The following PAM variants were observed in gnomAD, a reference collection of about 807,000 sequenced individuals.
PAM encodes peptidylglycine alpha-amidating monooxygenase.
In PAM, 72 loss-of-function variants were observed where a neutral mutation model predicts 122.1. That is an observed-to-expected ratio of 0.59 (90% CI 0.49 to 0.72). PAM has a LOEUF of 0.72. Among genes scored for constraint, PAM ranks in the 30% least tolerant of loss-of-function variants. The pLI is 0.00. For synonymous variants in PAM, 389 were observed against 404.4 expected (o/e 0.96, Z 0.46); for missense variants, 1,106 against 1,183.7 (o/e 0.93, Z 0.96).
chr5:102,828,151 C>A (rs369574026), intron 1 of PAM, among the ~76,000 whole-genome samples: 16 of 151,924 alleles, frequency 1.1e-4, no homozygotes, highest in African/African-American at 3.9e-4. Flanking sequence ...CGAGCCTGGG[C>A]AACATGGCGA....
intron 1 of PAM, among the ~76,000 whole-genome samples, chr5:102,860,707 T>A (rs1783937529): frequency 1.3e-5 from 2 of 151,284 alleles, no homozygotes; most frequent in Admixed American, 1.3e-4. Context: ...AATAATAAAA[T>A]AACCGCTTCA....
At chr5:102,786,405 T>C (rs258235) in intron 1 of PAM, among the ~76,000 whole-genome samples, 52,487 of 152,088 alleles carry the variant, frequency 0.35, 9,330 homozygotes, top group East Asian at 0.39. Context: ...ATTTAATTCG[T>C]AATCATTAGT....
rs547294092 is a variant in PAM at position 103,006,760 on chromosome 5, A to T, written c.1804-41A>T. 5 of 1,431,740 alleles carry T rather than the reference A, an allele frequency of 3.5e-6. No homozygotes were observed. In the South Asian group the frequency reaches 6.0e-5, roughly 17 times the overall value. The allele number at this position is 1,431,740 out of a possible 1,614,324, so 88.7% of individuals were successfully genotyped here. On this transcript the variant is annotated intron_variant, in intron 18 of 25. Transcript: ENST00000438793. ...GTCATGTGGGTGTAAGTCACTAATAACCATGAAAAGTAGGTAAGGCTTTTG... is the reference window on the plus strand; with the variant it reads ...GTCATGTGGGTGTAAGTCACTAATATCCATGAAAAGTAGGTAAGGCTTTTG...
At chr5:102,771,560 T>C (rs1204538139) in intron 1 of PAM, among the ~76,000 whole-genome samples, 1 of 152,136 alleles carries the variant, frequency 6.6e-6, no homozygotes, top group Non-Finnish European at 1.5e-5. Flanking sequence ...GTCTGGCTTC[T>C]TCTCCTAAAT....
intron 4 of PAM, among the ~76,000 whole-genome samples, chr5:102,901,822 G>C (rs1798012407): frequency 6.6e-6 from 1 of 151,460 alleles, no homozygotes; most frequent in Non-Finnish European, 1.5e-5. Flanking sequence ...CTGTCAGACA[G>C]GTAGATGGAT....
intron 14 of PAM, among the ~76,000 whole-genome samples, chr5:102,964,718 A>T (rs1264397951): frequency 6.6e-6 from 1 of 150,736 alleles, no homozygotes; most frequent in Non-Finnish European, 1.5e-5. Context: ...TTATGCATAT[A>T]TTTACATATT....
chr5:102,803,490 G>A (rs1765438400), intron 1 of PAM, among the ~76,000 whole-genome samples: 1 of 152,084 alleles, frequency 6.6e-6, no homozygotes, highest in Non-Finnish European at 1.5e-5. Context: ...GTGAGGGAAT[G>A]GGAGCACACC....
chr5:102,857,844 A>G (rs1416616673), intron 1 of PAM, among the ~76,000 whole-genome samples: 1 of 152,230 alleles, frequency 6.6e-6, no homozygotes, highest in African/African-American at 2.4e-5. Flanking sequence ...TTGCAAGAAA[A>G]TGGTATTCAA....
intron 1 of PAM, among the ~76,000 whole-genome samples, chr5:102,765,239 G>A (rs566979770): frequency 3.9e-4 from 60 of 152,270 alleles, no homozygotes; most frequent in African/African-American, 1.4e-3. Flanking sequence ...TTTGGCACCA[G>A]TAGTTGCCCT....
At chr5:102,846,384 T>G (rs1337247526) in intron 1 of PAM, among the ~76,000 whole-genome samples, 1 of 152,228 alleles carries the variant, frequency 6.6e-6, no homozygotes, top group Non-Finnish European at 1.5e-5. Flanking sequence ...CTGTGTGTTC[T>G]GGTTGTACTT....
chr5:102,866,375 T>C, intron 2 of PAM, 91 bp downstream of exon 2: 7 of 798,976 alleles, frequency 8.8e-6, no homozygotes, highest in Non-Finnish European at 1.3e-5. Flanking sequence ...ATAGACGGGG[T>C]TGATGTTCTT....
At chr5:102,993,453 CACTTA>C (rs928908271) in intron 16 of PAM, among the ~76,000 whole-genome samples, 4 of 152,130 alleles carry the variant, frequency 2.6e-5, no homozygotes, top group Non-Finnish European at 4.4e-5. Flanking sequence ...ATCGTATACC[CACTTA>C]ACTTAACTAT....
intron 4 of PAM, among the ~76,000 whole-genome samples, chr5:102,910,659 G>T (rs1036866392): frequency 6.6e-6 from 1 of 151,662 alleles, no homozygotes; most frequent in African/African-American, 2.4e-5. Flanking sequence ...ATTCTCTTGA[G>T]GCTGTGTTTT....
At chr5:102,983,508 C>G (rs542597540) in intron 15 of PAM, among the ~76,000 whole-genome samples, 386 of 150,926 alleles carry the variant, frequency 2.6e-3, no homozygotes, top group Non-Finnish European at 4.4e-3. Flanking sequence ...ATGAAGAAAG[C>G]CTATGTAATA....
Position 102,810,066 on chromosome 5 carries a change from ATACT to A in PAM, c.-374+54721_-374+54724del, listed in dbSNP as rs372988993. On this transcript the variant is annotated intron_variant, in intron 1 of 25. Transcript: ENST00000438793. ...ACCTTTTCATTAAAACACTCACCTA[ATACT>A]TATGTTGGAAACAAGAATAATATAG... is the stretch of plus-strand genomic sequence containing the variant. Among the ~76,000 whole-genome samples, 325 of 152,320 alleles carry A rather than the reference ATACT, an allele frequency of 2.1e-3. 1 individual carries two copies. The highest frequency in any genetic ancestry group is 7.5e-3 in the African/African-American group (310 of 41,584).
At chr5:102,815,354 T>TAA (rs1769439017) in intron 1 of PAM, among the ~76,000 whole-genome samples, 1 of 151,808 alleles carries the variant, frequency 6.6e-6, no homozygotes, top group Non-Finnish European at 1.5e-5. Flanking sequence ...TAGGAGGAGG[T>TAA]AAAGAAGCAG....
At chr5:102,933,510 G>T (rs1222209721) in intron 7 of PAM, among the ~76,000 whole-genome samples, 1 of 152,210 alleles carries the variant, frequency 6.6e-6, no homozygotes, top group Non-Finnish European at 1.5e-5. Context: ...TTCCAGACAG[G>T]TGGATATTCC....
intron 4 of PAM, among the ~76,000 whole-genome samples, chr5:102,912,759 C>G (rs953145224): frequency 6.6e-6 from 1 of 151,916 alleles, no homozygotes; most frequent in Non-Finnish European, 1.5e-5. Flanking sequence ...TCTGGCCATT[C>G]TCTCTTCATT....
chr5:102,793,404 A>G (rs916433897), intron 1 of PAM, among the ~76,000 whole-genome samples: 1 of 151,942 alleles, frequency 6.6e-6, no homozygotes, highest in Non-Finnish European at 1.5e-5. Flanking sequence ...GGTGGCACAC[A>G]CCTGTGGTAC....
Sources: allele counts gnomAD v4.1 joint callset (sites outside exome capture counted in the v4.1 genomes callset), GRCh38; gene constraint gnomAD v4.1.1; transcripts MANE v1.5; gene names NCBI Gene and HGNC (gene_info 2026-07-23, HGNC 2026-07-21).